The following PDE10A variants were observed in gnomAD, a reference collection of about 807,000 sequenced individuals.
The protein encoded by PDE10A is phosphodiesterase 10A, also known as cAMP and cAMP-inhibited cGMP 3',5'-cyclic phosphodiesterase 10A.
PDE10A carries 39 observed loss-of-function variants against 97.7 expected under a neutral mutation model. That is an observed-to-expected ratio of 0.40 (90% CI 0.31 to 0.52). The LOEUF (loss-of-function observed/expected upper bound fraction) is 0.52, where lower values mean the gene tolerates loss of function less well. Among genes scored for constraint, PDE10A ranks in the 20% least tolerant of loss-of-function variants. The pLI is 0.56. For synonymous variants in PDE10A, 371 were observed against 376.8 expected (o/e 0.98, Z 0.18); for missense variants, 731 against 1,047.8 (o/e 0.70, Z 4.17).
At chr6:165,877,062 T>C (rs573394661) in intron 1 of PDE10A, among the ~76,000 whole-genome samples, 1 of 152,342 alleles carries the variant, frequency 6.6e-6, no homozygotes, top group East Asian at 1.9e-4. Flanking sequence ...GCATGCCTGG[T>C]GTTTTTAGTT....
chr6:165,619,529 G>C (rs867974463), intron 1 of PDE10A, among the ~76,000 whole-genome samples: 2 of 59,130 alleles, frequency 3.4e-5, no homozygotes, highest in East Asian at 3.9e-4. Flanking sequence ...GTAGTGTAGT[G>C]TAGTCTAATG....
At position 165,835,063 on chromosome 6, in the gene PDE10A, C is replaced by A. The variant is rs530187699; in HGVS notation, c.-615+152466G>T. On this transcript the variant is annotated intron_variant, in intron 1 of 19. Transcript: ENST00000366882. Reference sequence around the variant, plus strand: ...CGTGTGGGCTGCAGAAGTCATTCAGCGGGAGGCAGTGCACAGAGGGCAGTT... The same window carrying A: ...CGTGTGGGCTGCAGAAGTCATTCAGAGGGAGGCAGTGCACAGAGGGCAGTT... 1.8e-4 allele frequency among the ~76,000 whole-genome samples: 27 copies of A among 152,188 alleles called. 1 individual carries two copies. In the South Asian group the frequency reaches 5.4e-3, roughly 30 times the overall value.
At chr6:165,646,811 C>A (rs1789421422) in intron 1 of PDE10A, among the ~76,000 whole-genome samples, 1 of 152,232 alleles carries the variant, frequency 6.6e-6, no homozygotes, top group African/African-American at 2.4e-5. Flanking sequence ...ATATGACCTA[C>A]TGAGAGACAG....
intron 1 of PDE10A, among the ~76,000 whole-genome samples, chr6:165,983,251 C>G (rs975358659): frequency 1.6e-4 from 25 of 152,136 alleles, no homozygotes; most frequent in Admixed American, 1.2e-3. Flanking sequence ...ACACAATGAC[C>G]CATTTACTAT....
chr6:165,464,721 C>A (rs1360575263), intron 3 of PDE10A, among the ~76,000 whole-genome samples: 1 of 152,126 alleles, frequency 6.6e-6, no homozygotes, highest in Non-Finnish European at 1.5e-5. Flanking sequence ...TTAGTTTTGC[C>A]AGCTTTTGGA....
intron 13 of PDE10A, among the ~76,000 whole-genome samples, chr6:165,405,346 C>G (rs1227119984): frequency 6.6e-6 from 1 of 152,074 alleles, no homozygotes; most frequent in African/African-American, 2.4e-5. Context: ...TGAAGCAAAT[C>G]AAATTTTAAT....
intron 1 of PDE10A, among the ~76,000 whole-genome samples, chr6:165,907,746 C>A (rs1005677640): frequency 2.6e-4 from 39 of 152,148 alleles, no homozygotes; most frequent in Non-Finnish European, 5.1e-4. Context: ...GGGGAAAGGA[C>A]CGTGGAACAG....
chr6:165,910,234 G>A (rs997844069), intron 1 of PDE10A, among the ~76,000 whole-genome samples: 2 of 152,160 alleles, frequency 1.3e-5, no homozygotes, highest in South Asian at 4.2e-4. Flanking sequence ...GGACTCAAGA[G>A]AGCGCTAAGG....
chr6:165,416,154 A>G, intron 12 of PDE10A, 35 bp downstream of exon 12: 4 of 1,333,020 alleles, frequency 3.0e-6, no homozygotes, highest in Non-Finnish European at 4.3e-6. Context: ...ATCACAGAAG[A>G]AATCAATGGA....
chr6:165,932,445 C>T (rs1010429995), intron 1 of PDE10A, among the ~76,000 whole-genome samples: 5 of 152,086 alleles, frequency 3.3e-5, no homozygotes, highest in Admixed American at 6.5e-5. Context: ...AAGCGATTCT[C>T]CTGTCTCAGC....
intron 1 of PDE10A, among the ~76,000 whole-genome samples, chr6:165,737,323 C>T (rs1411286916): frequency 6.6e-6 from 1 of 152,124 alleles, no homozygotes; most frequent in Non-Finnish European, 1.5e-5. Context: ...CAAAGTCAGA[C>T]AAGGATACTA....
chr6:165,979,499 T>C (rs578064719), intron 1 of PDE10A, among the ~76,000 whole-genome samples: 1 of 152,366 alleles, frequency 6.6e-6, no homozygotes, highest in South Asian at 2.1e-4. Context: ...TTTCTTCTTG[T>C]CTATAGTCAT....
rs4709980 is a variant in PDE10A at position 165,752,155 on chromosome 6, G to A, written c.-614-208587C>T. Among the ~76,000 whole-genome samples, 25 of 142,330 alleles carry A rather than the reference G, an allele frequency of 1.8e-4. 1 individual carries two copies. The East Asian group carries it at 2.6e-3, about 15-fold the overall frequency. 93.4% of individuals were successfully genotyped at this position (142,330 alleles called of 152,430 possible). A position where few individuals can be genotyped will look rare whatever the true frequency, so the allele number is the denominator to read the frequency against. On this transcript the variant is annotated intron_variant, in intron 1 of 19. Coordinates refer to the PDE10A transcript ENST00000366882. ...AAAAAAAAAAAAAAAAAAAAAAAAAGTGGGTAAAAGTAGGTATAAAGACAG... is the reference window on the plus strand; with the variant it reads ...AAAAAAAAAAAAAAAAAAAAAAAAAATGGGTAAAAGTAGGTATAAAGACAG...
At chr6:165,841,764 A>G (rs540943854) in intron 1 of PDE10A, among the ~76,000 whole-genome samples, 5 of 152,240 alleles carry the variant, frequency 3.3e-5, no homozygotes, top group Admixed American at 6.5e-5. Context: ...CAAGAGGAAG[A>G]GGACAGCTCT....
rs1784466611 is a variant in PDE10A at position 165,374,284 on chromosome 6, T to C, written c.2783+4910A>G. The stretch of plus-strand genomic sequence containing the variant: ...AAATACATAAAGAAAACTTTAATTA[T>C]TATTTGTTACTATGAGACTTGATTT... On this transcript the variant is annotated intron_variant, in intron 18 of 21. Transcript: ENST00000539869. Among the ~76,000 whole-genome samples, 2 of 151,944 alleles carry C rather than the reference T, an allele frequency of 1.3e-5. 1 individual carries two copies. The highest frequency in any genetic ancestry group is 4.1e-4 in the South Asian group (2 of 4,832).
At chr6:165,608,717 A>C (rs377371959) in intron 1 of PDE10A, among the ~76,000 whole-genome samples, 3 of 152,160 alleles carry the variant, frequency 2.0e-5, no homozygotes, top group South Asian at 4.2e-4. Flanking sequence ...AACTAGTTTA[A>C]AGTCCCACCA....
chr6:165,365,925 T>A (rs16897776), intron 18 of PDE10A, among the ~76,000 whole-genome samples: 1 of 152,044 alleles, frequency 6.6e-6, no homozygotes, highest in Non-Finnish European at 1.5e-5. Flanking sequence ...ATAGATTACA[T>A]GCAAATATGC....
At chr6:165,631,791 C>T (rs561807293) in intron 1 of PDE10A, among the ~76,000 whole-genome samples, 10 of 152,210 alleles carry the variant, frequency 6.6e-5, no homozygotes, top group East Asian at 1.9e-4. Flanking sequence ...TCATATAAAA[C>T]GTAAGTTTAA....
rs1260587317 is a variant in PDE10A, at chr6:165,949,600, A to T, written c.-615+37929T>A. The T allele has an allele frequency of 2.6e-5, 4 of 152,206 alleles. No homozygotes were observed. The East Asian group carries it at 5.8e-4, about 22-fold the overall frequency. The allele number at this position is 152,206 out of a possible 1,614,324, so 9.4% of individuals were successfully genotyped here. ...TCTTATGAAGTGCCATCTCCCGCTG[A>T]CCATCCCCCACATGAAGAACTACTT... On this transcript the variant is annotated intron_variant, in intron 1 of 19. Transcript: ENST00000366882.
Sources: gnomAD v4.1 joint callset for allele counts (sites outside exome capture counted in the v4.1 genomes callset) on GRCh38, gnomAD v4.1.1 for gene constraint, MANE v1.5 for transcripts, NCBI Gene and HGNC (gene_info 2026-07-23, HGNC 2026-07-21) for gene names.